Variants in DCLK1 observed in about 807,000 individuals in gnomAD.
The protein encoded by DCLK1 is serine/threonine-protein kinase DCLK1.
Under a neutral mutation model 86.2 loss-of-function variants are expected in DCLK1, and 16 were observed. The observed-to-expected ratio is 0.19, with a 90% confidence interval of 0.13 to 0.28. DCLK1 has a LOEUF of 0.28. DCLK1 is among the 10% of genes least tolerant of loss of function. The pLI is 1.00. For missense variants in DCLK1, 590 were observed against 940.2 expected (o/e 0.63, Z 4.87); for synonymous variants, 369 against 370.5 (o/e 1.00, Z 0.05).
At chr13:35,942,536 T>C (rs1437728474) in intron 4 of DCLK1, among the ~76,000 whole-genome samples, 1 of 152,200 alleles carries the variant, frequency 6.6e-6, no homozygotes, top group East Asian at 1.9e-4. Context: ...AGCAGAACCT[T>C]GTGGTGTGAA....
intron 3 of DCLK1, among the ~76,000 whole-genome samples, chr13:36,029,167 C>T (rs140855039): frequency 9.2e-4 from 140 of 152,274 alleles, no homozygotes; most frequent in African/African-American, 3.0e-3. Flanking sequence ...AGGTCTGGAT[C>T]GGGACTCTTT....
intron 4 of DCLK1, among the ~76,000 whole-genome samples, chr13:35,901,664 T>G (rs374032980): frequency 1.3e-3 from 195 of 152,146 alleles, no homozygotes; most frequent in African/African-American, 4.5e-3. Context: ...CCTCCTCTCT[T>G]AGACCCTGGC....
At chr13:35,898,640 G>C (rs1874155170) in intron 4 of DCLK1, among the ~76,000 whole-genome samples, 1 of 152,208 alleles carries the variant, frequency 6.6e-6, no homozygotes, top group Non-Finnish European at 1.5e-5. Context: ...TGAGTAAAAA[G>C]CATATGGCAG....
At position 36,111,926 on chromosome 13, in the gene DCLK1, A is replaced by T; in HGVS notation, c.666T>A (p.Asp222Glu). Residue 222 changes from aspartate to glutamate, a missense_variant, in exon 3 of 17, where the codon GAT becomes GAA. This residue lies in a region of DCLK1 where 195 missense variants were observed against 365.1 expected (regional missense o/e 0.53). Transcript: ENST00000360631. Reference protein sequence around the residue: ...SFEQVLTDITDAIKLDSGVVK... With the variant: ...SFEQVLTDITEAIKLDSGVVK... ...CCACTCCCGAGTCCAGCTTGATGGC[A>T]TCGGTGATATCGGTGAGGACCTGCT... is the stretch of plus-strand genomic sequence containing the variant. The T allele has an allele frequency of 6.2e-7, 1 of 1,614,236 alleles. No individual in the cohort carries two copies. Among genetic ancestry groups the T allele is most frequent in the African/African-American group, 1.3e-5 (1 of 75,064 alleles).
chr13:36,008,313 G>T lies in DCLK1; in HGVS notation c.724-60856C>A, dbSNP rs1416322192. Among the ~76,000 whole-genome samples the T allele has an allele frequency of 8.8e-5, 7 of 79,388 alleles. No homozygotes were observed. In the East Asian group the frequency reaches 2.7e-3, roughly 30 times the overall value. The allele number at this position is 79,388 out of a possible 152,430, so 52.1% of individuals were successfully genotyped here. ...ATGTATACATGTGCCATGCTGGTGC[G>T]CTGCACCCACTAACTCGTCATCTAG... On this transcript the variant is annotated intron_variant, in intron 3 of 16. Coordinates refer to ENST00000360631, the MANE Select transcript of DCLK1 (RefSeq NM_001330071.2).
chr13:35,970,022 T>G (rs895138250), intron 3 of DCLK1, among the ~76,000 whole-genome samples: 5 of 149,504 alleles, frequency 3.3e-5, no homozygotes, highest in African/African-American at 1.2e-4. Context: ...TAAATTTCTG[T>G]TTTTTATAAG....
chr13:35,864,133 A>G (rs1871602122), intron 5 of DCLK1, among the ~76,000 whole-genome samples: 1 of 152,188 alleles, frequency 6.6e-6, no homozygotes. Context: ...TTTCTACTCT[A>G]TAAGCTTCTG....
intron 6 of DCLK1, among the ~76,000 whole-genome samples, chr13:35,853,980 G>A (rs911233284): frequency 6.6e-6 from 1 of 152,084 alleles, no homozygotes; most frequent in African/African-American, 2.4e-5. Context: ...TCCAAGCTCA[G>A]CCAAATTCTC....
At chr13:35,987,849 CT>C (rs1436356040) in intron 3 of DCLK1, among the ~76,000 whole-genome samples, 6 of 152,106 alleles carry the variant, frequency 3.9e-5, no homozygotes, top group Non-Finnish European at 5.9e-5. Flanking sequence ...TGAAGAGGTG[CT>C]TTCTTAACAT....
intron 3 of DCLK1, among the ~76,000 whole-genome samples, chr13:35,963,499 G>A (rs1389703001): frequency 6.6e-6 from 1 of 152,140 alleles, no homozygotes; most frequent in African/African-American, 2.4e-5. Flanking sequence ...AGGTTAAAGG[G>A]TATGAAATTT....
intron 5 of DCLK1, chr13:35,869,050 C>T (rs1872063627): frequency 2.1e-6 from 1 of 484,936 alleles, no homozygotes. Context: ...ATCAACCTCC[C>T]AAAGTTCTGG....
intron 3 of DCLK1, among the ~76,000 whole-genome samples, chr13:36,048,223 A>G (rs1246364354): frequency 1.3e-5 from 2 of 152,172 alleles, no homozygotes; most frequent in South Asian, 2.1e-4. Flanking sequence ...GATATATGCT[A>G]AAACTGGAAA....
chr13:35,968,509 T>C (rs1371460413), intron 3 of DCLK1, among the ~76,000 whole-genome samples: 1 of 152,130 alleles, frequency 6.6e-6, no homozygotes, highest in African/African-American at 2.4e-5. Flanking sequence ...CTACTTGCAA[T>C]TACTACTGTC....
At chr13:36,028,022 G>A (rs1882114395) in intron 3 of DCLK1, among the ~76,000 whole-genome samples, 1 of 152,186 alleles carries the variant, frequency 6.6e-6, no homozygotes, top group Non-Finnish European at 1.5e-5. Context: ...GAGCCACCAT[G>A]CCTGGCCTAA....
At chr13:35,895,333 A>T (rs1873895578) in intron 4 of DCLK1, among the ~76,000 whole-genome samples, 1 of 152,170 alleles carries the variant, frequency 6.6e-6, no homozygotes, top group South Asian at 2.1e-4. Flanking sequence ...TGGATTTTAA[A>T]GTTTCCTTTG....
At chr13:35,893,548 G>A (rs1250921047) in intron 4 of DCLK1, among the ~76,000 whole-genome samples, 1 of 152,162 alleles carries the variant, frequency 6.6e-6, no homozygotes, top group African/African-American at 2.4e-5. Context: ...TGCCACAAGT[G>A]AAAGATTCTG....
intron 3 of DCLK1, among the ~76,000 whole-genome samples, chr13:36,079,434 A>G (rs1374051603): frequency 6.6e-6 from 1 of 152,076 alleles, no homozygotes; most frequent in Non-Finnish European, 1.5e-5. Flanking sequence ...GTTTGAGACC[A>G]GCCTGGCCAA....
chr13:35,862,872 C>T (rs1413725721), intron 5 of DCLK1, among the ~76,000 whole-genome samples: 1 of 149,608 alleles, frequency 6.7e-6, no homozygotes, highest in South Asian at 2.1e-4. Flanking sequence ...TAGGTCATCA[C>T]AGCACTTATT....
intron 3 of DCLK1, among the ~76,000 whole-genome samples, chr13:36,012,285 G>T (rs1881308538): frequency 6.7e-6 from 1 of 148,228 alleles, no homozygotes; most frequent in African/African-American, 2.5e-5. Flanking sequence ...GTTAGCTGGT[G>T]ATTTTGCTCG....
Sources: gnomAD v4.1 joint callset for allele counts (sites outside exome capture counted in the v4.1 genomes callset) on GRCh38, gnomAD v4.1.1 for gene constraint, gnomAD v4.1.1 regional missense constraint, MANE v1.5 for transcripts, NCBI Gene and HGNC (gene_info 2026-07-23, HGNC 2026-07-21) for gene names.